Variants in PHAF1 observed in about 807,000 individuals in gnomAD.
PHAF1 encodes phagosome assembly factor 1.
In PHAF1, 23 loss-of-function variants were observed where a neutral mutation model predicts 63.1. The ratio of observed to expected loss-of-function variants is 0.36; its 90% CI spans 0.26 to 0.52. The LOEUF (loss-of-function observed/expected upper bound fraction) is 0.52, where lower values mean the gene tolerates loss of function less well. PHAF1 is among the 20% of genes least tolerant of loss of function. The pLI, the probability that PHAF1 is intolerant of heterozygous loss-of-function variation, is 0.93. For synonymous variants in PHAF1, 167 were observed against 185.0 expected (o/e 0.90, Z 0.79); for missense variants, 427 against 517.2 (o/e 0.83, Z 1.69).
intron 3 of PHAF1, among the ~76,000 whole-genome samples, chr16:67,126,895 T>C (rs1963215089): frequency 6.7e-6 from 1 of 149,288 alleles, no homozygotes; most frequent in East Asian, 1.9e-4. Flanking sequence ...GCCCAGTCTT[T>C]TTTTTTTTTT....
In PHAF1 at chr16:67,134,507, A is replaced by G. The variant is rs1963536319; in HGVS notation, c.661+40A>G. 3.3e-6 allele frequency: 5 copies of G among 1,498,994 alleles called. No homozygotes were observed. The African/African-American group carries it at 5.5e-5, about 17-fold the overall frequency. 92.9% of individuals were successfully genotyped at this position (1,498,994 alleles called of 1,614,324 possible). A position where few individuals can be genotyped will look rare whatever the true frequency, so the allele number is the denominator to read the frequency against. On this transcript the variant is annotated intron_variant, in intron 8 of 15. Transcript: ENST00000219139. ...TTGAGGTTGGTACATTCCGCATTAT[A>G]CCCATGTTGAGACAGTCTAAAATCC...
intron 8 of PHAF1, among the ~76,000 whole-genome samples, chr16:67,138,832 A>G (rs987600677): frequency 2.0e-5 from 3 of 152,040 alleles, no homozygotes; most frequent in Admixed American, 2.0e-4. Context: ...AGAATTAGGG[A>G]GACAAGTAAT....
intron 1 of PHAF1, among the ~76,000 whole-genome samples, chr16:67,118,154 T>A (rs1451661058): frequency 6.8e-5 from 10 of 146,576 alleles, no homozygotes; most frequent in South Asian, 4.5e-4. Flanking sequence ...TTTTCTTTTT[T>A]AGTAGAGATG....
chr16:67,142,917 T>C (rs898370323), intron 10 of PHAF1, among the ~76,000 whole-genome samples: 15 of 152,206 alleles, frequency 9.9e-5, no homozygotes, highest in African/African-American at 3.6e-4. Context: ...GATGGGCCAT[T>C]GCTGCCATCA....
chr16:67,145,672 C>CA, intron 14 of PHAF1, 44 bp downstream of exon 14: 2 of 1,577,920 alleles, frequency 1.3e-6, no homozygotes, highest in Non-Finnish European at 1.7e-6. Context: ...CCTGACTCCT[C>CA]AGAGCCCAGA....
intron 1 of PHAF1, among the ~76,000 whole-genome samples, chr16:67,119,522 CTTTTT>C (rs540049566): frequency 7.2e-6 from 1 of 138,634 alleles, no homozygotes; most frequent in Non-Finnish European, 1.6e-5. Flanking sequence ...TCATACGCAT[CTTTTT>C]TTTTTTTTTT....
rs982583396 is a variant in PHAF1 at position 67,134,351 on chromosome 16, C to A, written c.549-4C>A. On this transcript the variant is annotated splice_polypyrimidine_tract_variant and splice_region_variant and intron_variant, in intron 7 of 15. Coordinates refer to ENST00000219139, the MANE Select transcript of PHAF1 (RefSeq NM_025187.5). ...GCCTCTGCTCATTCTGTGTCTGTCC[C>A]CAGGGCTCCCATGATGCCTCTGAGC... is the stretch of plus-strand genomic sequence containing the variant. 4 of 1,612,502 alleles carry A rather than the reference C, an allele frequency of 2.5e-6. No homozygotes were observed. Among genetic ancestry groups the A allele is most frequent in the Middle Eastern group, 1.7e-4 (1 of 6,058 alleles).
intron 3 of PHAF1, among the ~76,000 whole-genome samples, chr16:67,130,774 A>G (rs571734634): frequency 3.7e-4 from 57 of 152,316 alleles, no homozygotes; most frequent in African/African-American, 1.3e-3. Context: ...GGAAGAGATC[A>G]TTGTCCTATA....
intron 8 of PHAF1, among the ~76,000 whole-genome samples, chr16:67,138,509 C>A (rs936911835): frequency 1.3e-5 from 2 of 151,852 alleles, no homozygotes; most frequent in African/African-American, 4.8e-5. Flanking sequence ...AGATTCTTGG[C>A]TTCCTTTTTT....
chr16:67,120,430 T>C (rs1962925106), intron 2 of PHAF1, among the ~76,000 whole-genome samples: 1 of 152,040 alleles, frequency 6.6e-6, no homozygotes. Context: ...TTGTCTGTGC[T>C]CAACTTGCCT....
intron 2 of PHAF1, among the ~76,000 whole-genome samples, chr16:67,125,696 TC>T (rs1963161627): frequency 6.6e-6 from 1 of 152,190 alleles, no homozygotes; most frequent in South Asian, 2.1e-4. Flanking sequence ...TTGTCCCTTT[TC>T]CCCAGGTATT....
intron 4 of PHAF1, 39 bp downstream of exon 4, chr16:67,131,368 A>G (rs1243308188): frequency 2.8e-6 from 4 of 1,410,960 alleles, no homozygotes; most frequent in Non-Finnish European, 3.9e-6. Context: ...CACACTTGGT[A>G]TAGACAGGCC....
intron 8 of PHAF1, among the ~76,000 whole-genome samples, chr16:67,137,864 A>T (rs1278440033): frequency 6.6e-6 from 1 of 152,056 alleles, no homozygotes; most frequent in African/African-American, 2.4e-5. Flanking sequence ...AGGGCAAATG[A>T]TTTGTTAAGT....
chr16:67,111,769 G>A (rs1962524274), intron 1 of PHAF1, among the ~76,000 whole-genome samples: 1 of 152,028 alleles, frequency 6.6e-6, no homozygotes, highest in Non-Finnish European at 1.5e-5. Flanking sequence ...GATTACAGGC[G>A]TCTGCCACCA....
chr16:67,113,127 C>T (rs576316428), intron 1 of PHAF1, among the ~76,000 whole-genome samples: 1 of 152,298 alleles, frequency 6.6e-6, no homozygotes, highest in Admixed American at 6.5e-5. Flanking sequence ...AAACAAAAGT[C>T]GCCAAACAGG....
intron 8 of PHAF1, chr16:67,135,057 T>C (rs908330525): frequency 1.4e-5 from 3 of 218,784 alleles, no homozygotes; most frequent in Non-Finnish European, 2.8e-5. Context: ...AGGCCTGCTG[T>C]GTGCTTATAT....
chr16:67,146,099 T>A (rs2030032887), intron 14 of PHAF1, among the ~76,000 whole-genome samples, 179 bp from the exon 15 acceptor site: 2 of 152,156 alleles, frequency 1.3e-5, no homozygotes, highest in African/African-American at 4.8e-5. Flanking sequence ...TGTATAATTC[T>A]GAGTTGAGTG....
At chr16:67,115,819 T>C (rs1383017639) in intron 1 of PHAF1, among the ~76,000 whole-genome samples, 1 of 152,174 alleles carries the variant, frequency 6.6e-6, no homozygotes, top group Non-Finnish European at 1.5e-5. Context: ...CCTAAGATGC[T>C]GAGACATCCT....
intron 8 of PHAF1, chr16:67,134,699 C>A: frequency 3.2e-6 from 2 of 627,808 alleles, no homozygotes; most frequent in South Asian, 3.0e-5. Flanking sequence ...CAGTCTAGTT[C>A]ATAGAAGAAA....
Sources: allele counts gnomAD v4.1 joint callset (sites outside exome capture counted in the v4.1 genomes callset), GRCh38; gene constraint gnomAD v4.1.1; transcripts MANE v1.5; gene names NCBI Gene and HGNC (gene_info 2026-07-23, HGNC 2026-07-21).